Variants in VWC2 observed in about 807,000 individuals in gnomAD.
VWC2 encodes brorin.
A neutral mutation model predicts 29.8 loss-of-function variants in VWC2; 14 were observed. That is an observed-to-expected ratio of 0.47 (90% CI 0.31 to 0.74). The LOEUF (loss-of-function observed/expected upper bound fraction) is 0.74. Ranked by LOEUF, VWC2 falls within the 30% of genes least tolerant of loss-of-function variation. VWC2 has a pLI of 0.05. For synonymous variants in VWC2, 213 were observed against 199.0 expected, an observed-to-expected ratio of 1.07 and a Z score of -0.59; for missense variants, 457 against 459.8, an observed-to-expected ratio of 0.99 and a Z score of 0.05.
chr7:49,858,645 G>GTA (rs1257140410), intron 3 of VWC2, among the ~76,000 whole-genome samples: 1 of 151,738 alleles, frequency 6.6e-6, no homozygotes, highest in East Asian at 1.9e-4. Context: ...CACGGCACAT[G>GTA]TATATATATG....
rs772136050 is a variant in VWC2, at chr7:49,775,615, C to A, written c.180C>A (p.Asn60Lys). Residue 60 changes from asparagine to lysine, a missense_variant, in exon 2 of 4, where the codon AAC becomes AAA. Asn to Lys is a moderately conservative substitution (Grantham distance 94, BLOSUM62 0). This residue lies in a region of VWC2 where 272 missense variants were observed against 202.7 expected (regional missense o/e 1.34). Coordinates refer to ENST00000340652, the MANE Select transcript of VWC2 (RefSeq NM_198570.5). The stretch of plus-strand genomic sequence containing the variant: ...CTCGGGACGGCCCGGGGCGGGTGAA[C>A]GAGCTCGGGCGCCCGGCGAGGGACG... Reference protein sequence around the residue: ...HASRDGPGRVNELGRPARDEG... With the variant: ...HASRDGPGRVKELGRPARDEG... 1.3e-6 allele frequency: 2 copies of A among 1,530,766 alleles called. No homozygotes were observed. The highest frequency in any genetic ancestry group is 1.2e-5 in the South Asian group (1 of 82,462). The allele number at this position is 1,530,766 out of a possible 1,614,324, so 94.8% of individuals were successfully genotyped here. A position where few individuals can be genotyped will look rare whatever the true frequency, so the allele number is the denominator to read the frequency against.
chr7:49,813,247 A>G (rs1036523250), intron 3 of VWC2, among the ~76,000 whole-genome samples: 2 of 152,248 alleles, frequency 1.3e-5, no homozygotes, highest in African/African-American at 2.4e-5. Flanking sequence ...CAGGCACTGC[A>G]TACTGCTAAA....
chr7:49,895,586 A>C (rs1275306890), intron 3 of VWC2, among the ~76,000 whole-genome samples: 2 of 152,226 alleles, frequency 1.3e-5, no homozygotes, highest in East Asian at 3.8e-4. Flanking sequence ...TTTCAAAATT[A>C]ATCATTTTTA....
At chr7:49,870,963 C>T (rs1791124273) in intron 3 of VWC2, among the ~76,000 whole-genome samples, 4 of 152,080 alleles carry the variant, frequency 2.6e-5, no homozygotes, top group Admixed American at 2.6e-4. Context: ...AGAAGAAGAC[C>T]CCTTTGCACA....
At chr7:49,847,789 C>T (rs1583670435) in intron 3 of VWC2, among the ~76,000 whole-genome samples, 1 of 152,142 alleles carries the variant, frequency 6.6e-6, no homozygotes, top group African/African-American at 2.4e-5. Flanking sequence ...TGTCTGGAAC[C>T]TGGCCCTGAT....
chr7:49,892,212 T>C (rs534285312), intron 3 of VWC2, among the ~76,000 whole-genome samples: 1 of 150,616 alleles, frequency 6.6e-6, no homozygotes, highest in Non-Finnish European at 1.5e-5. Flanking sequence ...GCCCGGCTAA[T>C]TTTTTTTGTA....
chr7:49,787,971 C>G (rs1441485924), intron 2 of VWC2, among the ~76,000 whole-genome samples: 1 of 152,164 alleles, frequency 6.6e-6, no homozygotes, highest in Non-Finnish European at 1.5e-5. Flanking sequence ...GCAAAGAGTC[C>G]CTTTCTGTGT....
chr7:49,825,900 T>G (rs113013543), intron 3 of VWC2, among the ~76,000 whole-genome samples: 1 of 152,212 alleles, frequency 6.6e-6, no homozygotes, highest in Non-Finnish European at 1.5e-5. Context: ...ACAGGCAGTT[T>G]GTACTGATTT....
intron 2 of VWC2, among the ~76,000 whole-genome samples, chr7:49,777,518 TTTCTC>T (rs1474745250): frequency 6.6e-6 from 1 of 152,162 alleles, no homozygotes; most frequent in East Asian, 1.9e-4. Context: ...CTGGGTTTCT[TTTCTC>T]TTATCTGTAA....
intron 3 of VWC2, among the ~76,000 whole-genome samples, chr7:49,809,700 C>A (rs1473035875): frequency 1.3e-5 from 2 of 151,966 alleles, no homozygotes; most frequent in Non-Finnish European, 2.9e-5. Flanking sequence ...TGATTTCAGT[C>A]ATGCAAGGTT....
intron 3 of VWC2, among the ~76,000 whole-genome samples, chr7:49,847,883 C>T (rs1790009322): frequency 6.6e-6 from 1 of 152,108 alleles, no homozygotes; most frequent in African/African-American, 2.4e-5. Flanking sequence ...GGGTAATCAA[C>T]AAGAAAAGTG....
At position 49,779,805 on chromosome 7, in the gene VWC2, C is replaced by T. The variant is rs556772523; in HGVS notation, c.696+3674C>T. On this transcript the variant is annotated intron_variant, in intron 2 of 3. Coordinates refer to ENST00000340652, the MANE Select transcript of VWC2 (RefSeq NM_198570.5). ...AGGTGTCAGCAGGGCTGGTTTCTTC[C>T]GAGGCCTCTCTCCTTGGCTTGCAGA... Among the ~76,000 whole-genome samples the T allele has an allele frequency of 1.9e-4, 29 of 152,258 alleles. 1 individual carries two copies. The highest frequency in any genetic ancestry group is 4.6e-4 in the African/African-American group (19 of 41,534).
At chr7:49,799,923 A>C (rs965493752) in intron 2 of VWC2, among the ~76,000 whole-genome samples, 2 of 152,222 alleles carry the variant, frequency 1.3e-5, no homozygotes, top group Non-Finnish European at 2.9e-5. Context: ...TTGTATCTAA[A>C]CATAGAAAAG....
chr7:49,828,514 A>T lies in VWC2; in HGVS notation c.826+25674A>T, dbSNP rs116448783. Among the ~76,000 whole-genome samples, 920 of 152,336 alleles carry T rather than the reference A, an allele frequency of 6.0e-3. 11 individuals carry two copies. The highest frequency in any genetic ancestry group is 0.021 in the African/African-American group (873 of 41,580). On this transcript the variant is annotated intron_variant, in intron 3 of 3. Coordinates refer to ENST00000340652, the MANE Select transcript of VWC2 (RefSeq NM_198570.5). ...TATGTGAGTGTTCTAGTTGCTAAAC[A>T]TCCTCACCAACACTCAGTATTGTCA... is the stretch of plus-strand genomic sequence containing the variant.
chr7:49,828,481 A>G (rs1036521899), intron 3 of VWC2, among the ~76,000 whole-genome samples: 8 of 152,110 alleles, frequency 5.3e-5, no homozygotes, highest in Admixed American at 5.2e-4. Flanking sequence ...TTACACTCCT[A>G]CCAGCAATAT....
chr7:49,811,136 G>A (rs1307472965), intron 3 of VWC2, among the ~76,000 whole-genome samples: 1 of 152,094 alleles, frequency 6.6e-6, no homozygotes, highest in Non-Finnish European at 1.5e-5. Context: ...CTTGTATCCA[G>A]GGTATATAAA....
intron 3 of VWC2, among the ~76,000 whole-genome samples, chr7:49,814,937 A>G (rs941207215): frequency 2.0e-5 from 3 of 152,210 alleles, no homozygotes; most frequent in South Asian, 4.1e-4. Context: ...ACTCGTGGCT[A>G]TTCTCAGAAG....
chr7:49,858,906 T>C (rs993027303), intron 3 of VWC2, among the ~76,000 whole-genome samples: 3 of 152,220 alleles, frequency 2.0e-5, no homozygotes, highest in African/African-American at 7.2e-5. Flanking sequence ...CAGAGATTCA[T>C]CCACATTGAC....
rs1460173951 is a variant in VWC2 at position 49,802,980 on chromosome 7, A to G, written c.826+140A>G. 4 of 1,082,090 alleles carry G rather than the reference A, an allele frequency of 3.7e-6. No individual in the cohort carries two copies. In the African/African-American group the frequency reaches 6.3e-5, roughly 17 times the overall value. 67.0% of individuals were successfully genotyped at this position (1,082,090 alleles called of 1,614,324 possible). A position where few individuals can be genotyped will look rare whatever the true frequency, so the allele number is the denominator to read the frequency against. ...AATACACATGCGTACACACGTGTGT[A>G]ATCTTTCAGCCACAGTGGTTCTGTA... On this transcript the variant is annotated intron_variant, in intron 3 of 3. Coordinates refer to ENST00000340652, the MANE Select transcript of VWC2 (RefSeq NM_198570.5).
Sources: allele counts gnomAD v4.1 joint callset (sites outside exome capture counted in the v4.1 genomes callset), GRCh38; gene constraint gnomAD v4.1.1; regional missense constraint gnomAD v4.1.1; transcripts MANE v1.5; gene names NCBI Gene and HGNC (gene_info 2026-07-23, HGNC 2026-07-21).